Variants in ABCA1 observed in about 807,000 individuals in gnomAD.
The protein encoded by ABCA1 is phospholipid-transporting ATPase ABCA1.
ABCA1 carries 133 observed loss-of-function variants against 262.5 expected under a neutral mutation model. That is an observed-to-expected ratio of 0.51 (90% CI 0.44 to 0.59). ABCA1 has a LOEUF of 0.59. Among genes scored for constraint, ABCA1 ranks in the 20% least tolerant of loss-of-function variants. The pLI is 0.00. For synonymous variants in ABCA1, 1,022 were observed against 1,043.5 expected, an observed-to-expected ratio of 0.98 and a Z score of 0.40; for missense variants, 2,452 against 2,777.5, an observed-to-expected ratio of 0.88 and a Z score of 2.63.
At chr9:104,837,177 G>C in intron 10 of ABCA1, 81 bp from the exon 11 acceptor site, 1 of 1,241,158 alleles carries the variant, frequency 8.1e-7, no homozygotes, top group Non-Finnish European at 1.2e-6. Context: ...TCCCTGAAAA[G>C]ATACCCCATC....
intron 28 of ABCA1, 62 bp downstream of exon 28, chr9:104,812,512 G>A (rs1564114072): frequency 6.2e-7 from 1 of 1,607,288 alleles, no homozygotes; most frequent in African/African-American, 1.3e-5. Flanking sequence ...TGCCTTCACT[G>A]GTCACAGAGC....
chr9:104,794,224 G>A lies in ABCA1; in HGVS notation c.5506+163C>T, dbSNP rs367574421. Among the ~76,000 whole-genome samples, 16 of 152,322 alleles carry A rather than the reference G, an allele frequency of 1.1e-4. No homozygotes were observed. In the East Asian group the frequency reaches 1.9e-3, roughly 18 times the overall value. On this transcript the variant is annotated intron_variant, in intron 40 of 49. Coordinates refer to ENST00000374736, the MANE Select transcript of ABCA1 (RefSeq NM_005502.4). ...CAAATGGTTGTGTCACAAAACCCAT[G>A]CCACAACCAGCTGTGTTGGCATGAG...
In ABCA1 at chr9:104,859,981, G is replaced by A. The variant is rs182665769; in HGVS notation, c.544-1283C>T. ...GAAGCAGAGAATCACTTGAACCTGG[G>A]AGGCAGAGGTTGTAGTGAGCTGAGA... On this transcript the variant is annotated intron_variant, in intron 6 of 49. Transcript: ENST00000374736. Among the ~76,000 whole-genome samples, 34 of 150,858 alleles carry A rather than the reference G, an allele frequency of 2.3e-4. No homozygotes were observed. The East Asian group carries it at 6.3e-3, about 28-fold the overall frequency.
At chr9:104,798,711 T>A in intron 36 of ABCA1, 113 bp from the exon 37 acceptor site, 1 of 912,934 alleles carries the variant, frequency 1.1e-6, no homozygotes. Context: ...CAGAGATATC[T>A]GAGGCACAGC....
chr9:104,863,998 C>T (rs1588444670), intron 5 of ABCA1, among the ~76,000 whole-genome samples: 1 of 152,202 alleles, frequency 6.6e-6, no homozygotes, highest in Non-Finnish European at 1.5e-5. Context: ...GAATAAGCAT[C>T]CCTTACACTT....
At chr9:104,815,923 A>C (rs1564119701) in intron 25 of ABCA1, among the ~76,000 whole-genome samples, 1 of 152,284 alleles carries the variant, frequency 6.6e-6, no homozygotes, top group East Asian at 1.9e-4. Context: ...TCAACACACA[A>C]ATCTCAGGCA....
rs372139962 is a variant in ABCA1 at position 104,800,602 on chromosome 9, C to T, written c.4699-18G>A. The stretch of plus-strand genomic sequence containing the variant: ...GAACTGTCCTGTAAACAACAGAAAC[C>T]TGCCTCAGTTGTGACTGTTCACATA... On this transcript the variant is annotated intron_variant, in intron 34 of 49. Transcript: ENST00000374736. The T allele has an allele frequency of 1.2e-6, 2 of 1,613,138 alleles. No individual in the cohort carries two copies. The highest frequency in any genetic ancestry group is 1.7e-6 in the Non-Finnish European group (2 of 1,179,056).
chr9:104,885,398 C>T (rs967115922), intron 3 of ABCA1, among the ~76,000 whole-genome samples: 2 of 152,184 alleles, frequency 1.3e-5, no homozygotes, highest in African/African-American at 4.8e-5. Context: ...TCAAACCCCT[C>T]TGGTACTCTC....
intron 1 of ABCA1, among the ~76,000 whole-genome samples, chr9:104,919,692 G>A (rs67348902): frequency 0.095 from 14,394 of 152,146 alleles, 767 homozygotes; most frequent in African/African-American, 0.14. Flanking sequence ...TTTCCAAATG[G>A]TGAGTCAGAA....
chr9:104,889,523 G>A, intron 2 of ABCA1: 1 of 255,388 alleles, frequency 3.9e-6, no homozygotes, highest in Middle Eastern at 2.0e-3. Flanking sequence ...CTCCTCCTGT[G>A]CTACTCCAGT....
At chr9:104,804,978 T>C (rs538031806) in intron 31 of ABCA1, among the ~76,000 whole-genome samples, 6 of 152,356 alleles carry the variant, frequency 3.9e-5, no homozygotes, top group African/African-American at 1.4e-4. Flanking sequence ...ATGAGATTCT[T>C]TGTAGTCAAG....
In ABCA1 at chr9:104,824,498, G is replaced by A; in HGVS notation, c.2623C>T (p.His875Tyr). 8 of 1,614,130 alleles carry A rather than the reference G, an allele frequency of 5.0e-6. No individual in the cohort carries two copies. Among genetic ancestry groups the A allele is most frequent in the South Asian group, 1.1e-5 (1 of 91,082 alleles). The change falls in exon 18 of 50, where the codon CAC (histidine) becomes TAC (tyrosine). Residue 875 changes from histidine (H) to tyrosine (Y), a missense_variant. Physicochemically the swap from His to Tyr is moderately conservative, Grantham distance 83 (BLOSUM62 2). Transcript: ENST00000374736. ...WFGEESDEKS[H>Y]PGSNQKRISE... Reference sequence around the variant, plus strand: ...ATTCTCTTCTGGTTGGAACCAGGGTGGCTCTTCTCATCACTTTCCTCGCCA... The same window carrying A: ...ATTCTCTTCTGGTTGGAACCAGGGTAGCTCTTCTCATCACTTTCCTCGCCA...
Position 104,786,320 on chromosome 9 carries a change from T to G in ABCA1, c.6379A>C (p.Ser2127Arg). The stretch of plus-strand genomic sequence containing the variant: ...TACCTATTTTTTAGATGCTGGACAC[T>G]GCCAAGGCACCTGAACCTTCCATTG... The part of the protein sequence containing the change: ...MVNGRFRCLG[S>R]VQHLKNRFGD... Residue 2127 changes from serine to arginine, a missense_variant, in exon 48 of 50, where the codon AGT becomes CGT. Ser to Arg is a moderately radical substitution (Grantham distance 110). Coordinates refer to ENST00000374736, the MANE Select transcript of ABCA1 (RefSeq NM_005502.4). The G allele has an allele frequency of 6.2e-7, 1 of 1,614,118 alleles. No homozygotes were observed. Among genetic ancestry groups the G allele is most frequent in the Non-Finnish European group, 8.5e-7 (1 of 1,179,978 alleles).
intron 44 of ABCA1, 33 bp downstream of exon 44, chr9:104,790,889 T>G (rs1310043724): frequency 1.4e-6 from 2 of 1,415,568 alleles, no homozygotes; most frequent in Non-Finnish European, 2.0e-6. Flanking sequence ...AACAAAGTCT[T>G]TGCAGCAAAA....
intron 1 of ABCA1, among the ~76,000 whole-genome samples, chr9:104,926,392 G>A (rs574376222): frequency 1.4e-5 from 2 of 147,864 alleles, no homozygotes; most frequent in South Asian, 2.1e-4. Context: ...GGCACCGTCC[G>A]CCGCCCCAAG....
intron 6 of ABCA1, among the ~76,000 whole-genome samples, chr9:104,860,755 CTTTTT>C (rs762423202): frequency 8.6e-6 from 1 of 115,860 alleles, no homozygotes; most frequent in Non-Finnish European, 1.7e-5. Context: ...TTATAAAATT[CTTTTT>C]TTTTTTTTTT....
chr9:104,885,057 G>A (rs367704650), intron 3 of ABCA1, among the ~76,000 whole-genome samples: 5 of 152,030 alleles, frequency 3.3e-5, no homozygotes, highest in Admixed American at 1.3e-4. Context: ...CCAACATGGC[G>A]AAACCCTGTC....
At chr9:104,837,121 A>T in intron 10 of ABCA1, 25 bp from the exon 11 acceptor site, 1 of 1,573,068 alleles carries the variant, frequency 6.4e-7, no homozygotes, top group Non-Finnish European at 8.7e-7. Context: ...GGAGCCAGGG[A>T]CCGCAGAAAA....
chr9:104,806,424 C>T lies in ABCA1; in HGVS notation c.4281G>A (p.Thr1427=), dbSNP rs2066716. The change falls in exon 31 of 50, where the codon ACG becomes ACA. Residue 1427 remains threonine, a synonymous_variant. Coordinates refer to ENST00000374736, the MANE Select transcript of ABCA1 (RefSeq NM_005502.4). ...ACTCTTCCTCCCCTGCCTGGCAGGG[C>T]GTGTCTCTGCAAAGGGAAGACAGCA... ...RCMEGNPIPD[T]PCQAGEEEWT... 0.091 allele frequency: 146,428 copies of T among 1,613,794 alleles called. 8,648 individuals are homozygous for T. The highest frequency in any genetic ancestry group is 0.29 in the East Asian group (13,102 of 44,842).
Sources: allele counts gnomAD v4.1 joint callset (sites outside exome capture counted in the v4.1 genomes callset), GRCh38; gene constraint gnomAD v4.1.1; transcripts MANE v1.5; gene names NCBI Gene and HGNC (gene_info 2026-07-23, HGNC 2026-07-21).